Variants in CYTH3 observed in about 807,000 individuals in gnomAD.
The protein encoded by CYTH3 is cytohesin 3, also known as cytohesin-3.
In CYTH3, 23 loss-of-function variants were observed where a neutral mutation model predicts 55.1. The observed-to-expected ratio is 0.42, with a 90% CI of 0.30 to 0.59. CYTH3 has a LOEUF of 0.59. Among genes scored for constraint, CYTH3 ranks in the 20% least tolerant of loss-of-function variants. The pLI, the probability that CYTH3 is intolerant of heterozygous loss-of-function variation, is 0.20. For synonymous variants in CYTH3, 249 were observed against 194.9 expected, an observed-to-expected ratio of 1.28 and a Z score of -2.31; for missense variants, 413 against 524.8, an observed-to-expected ratio of 0.79 and a Z score of 2.08.
At chr7:6,165,481 T>C in intron 11 of CYTH3, 54 bp from the exon 12 acceptor site, 11 of 1,609,474 alleles carry the variant, frequency 6.8e-6, no homozygotes, top group Non-Finnish European at 9.3e-6. Context: ...GCAGGTTCCC[T>C]GCAGGCAGTG....
intron 1 of CYTH3, among the ~76,000 whole-genome samples, chr7:6,265,292 T>C (rs10245186): frequency 0.22 from 33,364 of 151,460 alleles, 7,236 homozygotes; most frequent in African/African-American, 0.57. Flanking sequence ...ACAAAGCCTA[T>C]GAGGTTTACT....
Position 6,173,884 on chromosome 7 carries a change from C to T in CYTH3, c.369-151G>A, listed in dbSNP as rs928616400. On this transcript the variant is annotated intron_variant, in intron 5 of 12. Coordinates refer to ENST00000350796, the MANE Select transcript of CYTH3 (RefSeq NM_004227.4). ...AAAACATTTGTATTTTTTGTAGAGG[C>T]AGGGCTGGCCATGTTACCCAGGCTG... The T allele has an allele frequency of 6.5e-6, 4 of 618,988 alleles. No homozygotes were observed. The South Asian group carries it at 7.3e-5, about 11-fold the overall frequency. The allele number at this position is 618,988 out of a possible 1,614,324, so 38.3% of individuals were successfully genotyped here. A position where few individuals can be genotyped will look rare whatever the true frequency, so the allele number is the denominator to read the frequency against.
chr7:6,175,542 A>C lies in CYTH3; in HGVS notation c.369-1809T>G, dbSNP rs1477740926. On this transcript the variant is annotated intron_variant, in intron 5 of 12. Transcript: ENST00000350796. ...TTACAATGTCTTGACTATACACTTTAGTCTTTTTTTTTTTTTTTTTTTTTT... is the reference window on the plus strand; with the variant it reads ...TTACAATGTCTTGACTATACACTTTCGTCTTTTTTTTTTTTTTTTTTTTTT... 2.7e-5 allele frequency among the ~76,000 whole-genome samples: 3 copies of C among 112,324 alleles called. No homozygotes were observed. The South Asian group carries it at 9.5e-4, about 36-fold the overall frequency. The allele number at this position is 112,324 out of a possible 152,430, so 73.7% of individuals were successfully genotyped here. A position where few individuals can be genotyped will look rare whatever the true frequency, so the allele number is the denominator to read the frequency against.
chr7:6,240,088 G>A (rs747069495), intron 1 of CYTH3, among the ~76,000 whole-genome samples: 7 of 151,910 alleles, frequency 4.6e-5, no homozygotes, highest in Non-Finnish European at 7.4e-5. Context: ...GGTGGATCGC[G>A]TGAGGTCAGG....
intron 4 of CYTH3, among the ~76,000 whole-genome samples, chr7:6,183,947 G>A (rs965964381): frequency 1.3e-5 from 2 of 149,734 alleles, no homozygotes; most frequent in East Asian, 3.9e-4. Flanking sequence ...CAGGAAGAGA[G>A]CCCTCACCAG....
At chr7:6,215,761 T>C (rs1000266231) in intron 1 of CYTH3, among the ~76,000 whole-genome samples, 3 of 152,084 alleles carry the variant, frequency 2.0e-5, no homozygotes, top group Non-Finnish European at 2.9e-5. Flanking sequence ...AGACACATGA[T>C]ACACATTCTT....
chr7:6,186,923 C>G, intron 4 of CYTH3, 127 bp downstream of exon 4: 1 of 942,258 alleles, frequency 1.1e-6, no homozygotes, highest in Non-Finnish European at 1.7e-6. Flanking sequence ...AAAAATGTGC[C>G]TTCAACTCCC....
chr7:6,259,398 A>T (rs1403640690), intron 1 of CYTH3, among the ~76,000 whole-genome samples: 3 of 152,168 alleles, frequency 2.0e-5, no homozygotes, highest in Non-Finnish European at 4.4e-5. Context: ...CTGGTGACTT[A>T]CTAAAAACCA....
chr7:6,219,596 C>T (rs1208386662), intron 1 of CYTH3, among the ~76,000 whole-genome samples: 2 of 152,156 alleles, frequency 1.3e-5, no homozygotes, highest in African/African-American at 4.8e-5. Flanking sequence ...TGAATCCCCT[C>T]AACCCTCTCA....
At chr7:6,214,540 A>C (rs1432361517) in intron 1 of CYTH3, among the ~76,000 whole-genome samples, 1 of 152,182 alleles carries the variant, frequency 6.6e-6, no homozygotes, top group Non-Finnish European at 1.5e-5. Context: ...TTCCAAAGAG[A>C]AGTGTCATTT....
chr7:6,171,364 T>C lies in CYTH3; in HGVS notation c.450-50A>G, dbSNP rs751041209. On this transcript the variant is annotated intron_variant, in intron 6 of 12. Transcript: ENST00000350796. The surrounding 1 kb of genome is among the most constrained non-coding windows in gnomAD (Gnocchi z 6.7). ...AAGCCGCATCAGAACCAACACCGCC[T>C]CACGGCCAAGGGCGGCTTCTGCCCA... The C allele has an allele frequency of 3.8e-6, 6 of 1,578,184 alleles. No individual in the cohort carries two copies. In the African/African-American group the frequency reaches 6.7e-5, roughly 18 times the overall value.
At chr7:6,179,876 A>AC (rs1314514958) in intron 4 of CYTH3, among the ~76,000 whole-genome samples, 12 of 74,002 alleles carry the variant, frequency 1.6e-4, no homozygotes, top group African/African-American at 7.6e-4. Context: ...ACCCACACAC[A>AC]CCACACACAC....
chr7:6,238,380 G>A (rs1372640241), intron 1 of CYTH3, among the ~76,000 whole-genome samples: 1 of 152,136 alleles, frequency 6.6e-6, no homozygotes, highest in Admixed American at 6.5e-5. Flanking sequence ...AAAGGACAGA[G>A]AAATAAGTAT....
intron 5 of CYTH3, among the ~76,000 whole-genome samples, chr7:6,175,496 A>G (rs1445253099): frequency 2.8e-5 from 4 of 140,842 alleles, no homozygotes; most frequent in Non-Finnish European, 6.1e-5. Context: ...TCATTTATGT[A>G]TGTGTATCCT....
intron 1 of CYTH3, among the ~76,000 whole-genome samples, chr7:6,210,397 CTT>C (rs1176442722): frequency 2.0e-5 from 3 of 152,188 alleles, no homozygotes; most frequent in African/African-American, 7.2e-5. Flanking sequence ...AACAAGTCCT[CTT>C]GAAGATGCGA....
At chr7:6,224,964 G>C (rs980009656) in intron 1 of CYTH3, among the ~76,000 whole-genome samples, 2 of 152,176 alleles carry the variant, frequency 1.3e-5, no homozygotes, top group African/African-American at 4.8e-5. Context: ...CATACTGCTT[G>C]ATTCTATTTA....
chr7:6,254,746 G>A (rs550255410), intron 1 of CYTH3, among the ~76,000 whole-genome samples: 1 of 152,314 alleles, frequency 6.6e-6, no homozygotes, highest in East Asian at 1.9e-4. Flanking sequence ...CATCGCACCT[G>A]CCCATGTTTG....
intron 2 of CYTH3, among the ~76,000 whole-genome samples, chr7:6,189,456 A>T (rs994162796): frequency 2.0e-5 from 3 of 152,010 alleles, no homozygotes; most frequent in African/African-American, 7.2e-5. Context: ...CTACAGGTAC[A>T]AAACTTAGCT....
chr7:6,162,541 A>G lies in CYTH3; in HGVS notation c.*2403T>C, dbSNP rs915458389. 10 of 152,016 alleles carry G rather than the reference A, an allele frequency of 6.6e-5. No individual in the cohort carries two copies. The highest frequency in any genetic ancestry group is 2.2e-4 in the African/African-American group (9 of 41,450). 9.4% of individuals were successfully genotyped at this position (152,016 alleles called of 1,614,324 possible). A position where few individuals can be genotyped will look rare whatever the true frequency, so the allele number is the denominator to read the frequency against. The stretch of plus-strand genomic sequence containing the variant: ...GCTGGCCCTGCGCAGTCACTGACCC[A>G]GAGTTTTCTGGACCAGGCCTGCCTC... On this transcript the variant is annotated 3_prime_UTR_variant, in exon 13 of 13. Coordinates refer to ENST00000350796, the MANE Select transcript of CYTH3 (RefSeq NM_004227.4).
Sources: allele counts gnomAD v4.1 joint callset (sites outside exome capture counted in the v4.1 genomes callset), GRCh38; gene constraint gnomAD v4.1.1; non-coding constraint Gnocchi (gnomAD v3.1); transcripts MANE v1.5; gene names NCBI Gene and HGNC (gene_info 2026-07-23, HGNC 2026-07-21).